Variants in WIPI2 observed in about 807,000 individuals in gnomAD.
The protein encoded by WIPI2 is WD repeat domain phosphoinositide-interacting protein 2.
A neutral mutation model predicts 52.3 loss-of-function variants in WIPI2; 28 were observed. The observed-to-expected ratio is 0.54, with a 90% CI of 0.40 to 0.73. The LOEUF is 0.73. Among genes scored for constraint, WIPI2 ranks in the 30% least tolerant of loss-of-function variants. The pLI, the probability that WIPI2 is intolerant of heterozygous loss-of-function variation, is 0.00. For synonymous variants in WIPI2, 268 were observed against 245.0 expected, an observed-to-expected ratio of 1.09 and a Z score of -0.88; for missense variants, 506 against 602.9, an observed-to-expected ratio of 0.84 and a Z score of 1.68.
rs3801046 is a variant in WIPI2 at position 5,231,750 on chromosome 7, T to A, written c.*803T>A. The A allele has an allele frequency of 1.2e-3, 55 of 45,896 alleles. No homozygotes were observed. In the East Asian group the frequency reaches 0.018, roughly 15 times the overall value. The allele number at this position is 45,896 out of a possible 1,614,324, so 2.8% of individuals were successfully genotyped here. On this transcript the variant is annotated 3_prime_UTR_variant, in exon 13 of 13. Coordinates refer to ENST00000288828, the MANE Select transcript of WIPI2 (RefSeq NM_015610.4). Reference sequence around the variant, plus strand: ...CTCTTCCTGTTGAAAAACTGTGTGATTTTTTTTTTTTTTTAAGTAAAGTTT... The same window carrying A: ...CTCTTCCTGTTGAAAAACTGTGTGAATTTTTTTTTTTTTTAAGTAAAGTTT...
rs868101467 is a variant in WIPI2 at position 5,193,210 on chromosome 7, A to G, written c.128+39A>G. The stretch of plus-strand genomic sequence containing the variant: ...CTGGTTTCTGAAAGTATCACCTTGG[A>G]AGGCTTATGTTAGAGGACTTTTTTG... On this transcript the variant is annotated intron_variant, in intron 2 of 12. Transcript: ENST00000288828. 5 of 1,609,484 alleles carry G rather than the reference A, an allele frequency of 3.1e-6. No individual in the cohort carries two copies. The African/African-American group carries it at 5.3e-5, about 17-fold the overall frequency.
chr7:5,228,270 C>T (rs1435691521), intron 11 of WIPI2, 59 bp downstream of exon 11: 4 of 1,456,928 alleles, frequency 2.7e-6, no homozygotes, highest in Non-Finnish European at 2.8e-6. Context: ...GCTTTCGGGG[C>T]ACCTGGCGAA....
At position 5,230,259 on chromosome 7, in the gene WIPI2, C is replaced by T. The variant is rs1480806282; in HGVS notation, c.1252+521C>T. On this transcript the variant is annotated intron_variant, in intron 12 of 12. Transcript: ENST00000288828. This position sits in a 1 kb window ranked among gnomAD's most constrained non-coding sequence, Gnocchi z 4.8. ...GCAAATCTGCATCGAGTACTGCCTT[C>T]ATGCTGGGCCTGTGAAGTGCAGAAG... is the stretch of plus-strand genomic sequence containing the variant. Among the ~76,000 whole-genome samples the T allele has an allele frequency of 6.6e-6, 1 of 152,194 alleles. No homozygotes were observed. Among genetic ancestry groups the T allele is most frequent in the African/African-American group, 2.4e-5 (1 of 41,456 alleles).
chr7:5,229,739 G>C lies in WIPI2; in HGVS notation c.1252+1G>C, dbSNP rs112729350. 1 of 1,613,612 alleles carries C rather than the reference G, an allele frequency of 6.2e-7. No individual in the cohort carries two copies. Among genetic ancestry groups the C allele is most frequent in the Non-Finnish European group, 8.5e-7 (1 of 1,179,690 alleles). On this transcript the variant is annotated splice_donor_variant, in intron 12 of 12. Transcript: ENST00000288828. LOFTEE classifies it high-confidence loss of function. Reference sequence around the variant, plus strand: ...GTGCCTTCATCCCCAACGAGACTTGGTAAGGGGCGTGACGCAAACCTGGAA... The same window carrying C: ...GTGCCTTCATCCCCAACGAGACTTGCTAAGGGGCGTGACGCAAACCTGGAA...
At chr7:5,229,431 C>T (rs1460421705) in intron 11 of WIPI2, 177 bp from the exon 12 acceptor site, 2 of 636,554 alleles carry the variant, frequency 3.1e-6, no homozygotes, top group East Asian at 3.0e-5. Context: ...ATGTAAAACT[C>T]TTCATGTAAA....
chr7:5,218,380 A>G (rs576555174), intron 7 of WIPI2: 54 of 198,592 alleles, frequency 2.7e-4, no homozygotes, highest in African/African-American at 1.2e-3. Context: ...ACAGAATTCT[A>G]TCCAGCCAGT....
intron 4 of WIPI2, 39 bp downstream of exon 4, chr7:5,214,743 C>T (rs1782727083): frequency 6.2e-7 from 1 of 1,606,854 alleles, no homozygotes. Flanking sequence ...TTGTCTGTTG[C>T]TCCCTCCAGC....
At chr7:5,205,666 A>G (rs1393707283) in intron 3 of WIPI2, among the ~76,000 whole-genome samples, 1 of 152,030 alleles carries the variant, frequency 6.6e-6, no homozygotes, top group Non-Finnish European at 1.5e-5. Flanking sequence ...CACCACGCTC[A>G]GCTAATTTTT....
At chr7:5,226,166 T>C (rs528142822) in intron 9 of WIPI2, 80 of 514,938 alleles carry the variant, frequency 1.6e-4, no homozygotes, top group Non-Finnish European at 2.6e-4. Flanking sequence ...AGCCCTCGCG[T>C]AGGGCATGGA....
In WIPI2 at chr7:5,220,392, G is replaced by A. The variant is rs1232309314; in HGVS notation, c.670-2210G>A. Among the ~76,000 whole-genome samples, 16 of 151,754 alleles carry A rather than the reference G, an allele frequency of 1.1e-4. No homozygotes were observed. In the South Asian group the frequency reaches 2.1e-3, roughly 20 times the overall value. The stretch of plus-strand genomic sequence containing the variant: ...TGAGTAGCTGAGATTACAAGCGCGC[G>A]CCACCACACCCAGCTAATTTTTGTA... On this transcript the variant is annotated intron_variant, in intron 7 of 12. Coordinates refer to ENST00000288828, the MANE Select transcript of WIPI2 (RefSeq NM_015610.4).
chr7:5,229,775 C>T, intron 12 of WIPI2, 37 bp downstream of exon 12: 1 of 1,611,394 alleles, frequency 6.2e-7, no homozygotes, highest in Non-Finnish European at 8.5e-7. Flanking sequence ...GGTAATTAGC[C>T]CCACAGCCCC....
intron 3 of WIPI2, among the ~76,000 whole-genome samples, chr7:5,207,290 T>C (rs748264235): frequency 9.2e-5 from 14 of 152,180 alleles, no homozygotes; most frequent in Non-Finnish European, 1.9e-4. Flanking sequence ...CTCCAGAAAG[T>C]TCTCTCATAC....
Position 5,232,664 on chromosome 7 carries a change from A to G in WIPI2, c.*1717A>G. On this transcript the variant is annotated 3_prime_UTR_variant, in exon 13 of 13. Transcript: ENST00000288828. ...ACCCACGCCTGCGTCTTGTGGTGCA[A>G]GGCCAGAGGGCTCTCTCTAGAACCT... The G allele has an allele frequency of 4.6e-6, 1 of 216,180 alleles. No individual in the cohort carries two copies. Among genetic ancestry groups the G allele is most frequent in the East Asian group, 9.6e-5 (1 of 10,470 alleles). 13.4% of individuals were successfully genotyped at this position (216,180 alleles called of 1,614,324 possible). A position where few individuals can be genotyped will look rare whatever the true frequency, so the allele number is the denominator to read the frequency against.
At chr7:5,215,486 A>G (rs1430855105) in intron 4 of WIPI2, among the ~76,000 whole-genome samples, 1 of 152,234 alleles carries the variant, frequency 6.6e-6, no homozygotes, top group Non-Finnish European at 1.5e-5. Context: ...TGTGTCTCCC[A>G]GCTTGTGCTC....
In WIPI2 at chr7:5,232,304, C is replaced by G; in HGVS notation, c.*1357C>G. On this transcript the variant is annotated 3_prime_UTR_variant, in exon 13 of 13. Transcript: ENST00000288828. ...TGTCATGGTCACGCTGGGCGAAGAG[C>G]TGGAGGGGAGTTGTCCCCTCAGCTG... 1 of 398,638 alleles carries G rather than the reference C, an allele frequency of 2.5e-6. No individual in the cohort carries two copies. Among genetic ancestry groups the G allele is most frequent in the East Asian group, 3.6e-5 (1 of 28,074 alleles). 24.7% of individuals were successfully genotyped at this position (398,638 alleles called of 1,614,324 possible).
In WIPI2 at chr7:5,227,327, C is replaced by T. The variant is rs28605777; in HGVS notation, c.996C>T (p.Asn332=). Residue 332 remains asparagine (N), a synonymous_variant, in exon 10 of 13, where the codon AAC becomes AAT. Coordinates refer to ENST00000288828, the MANE Select transcript of WIPI2 (RefSeq NM_015610.4). This position sits in a 1 kb window ranked among gnomAD's most constrained non-coding sequence, Gnocchi z 8.1. The stretch of plus-strand genomic sequence containing the variant: ...GCCTGCCATTCTGCGGCCACAAAAA[C>T]ATCTGCTCGCTAGCCACGTGAGTAG... ...TVRLPFCGHK[N]ICSLATIQKI... is the part of the protein sequence containing the mutation. The T allele has an allele frequency of 5.0e-3, 8,104 of 1,613,604 alleles. 291 individuals carry two copies. The African/African-American group carries it at 0.09, about 18-fold the overall frequency.
chr7:5,228,338 C>T, intron 11 of WIPI2, 127 bp downstream of exon 11: 1 of 888,914 alleles, frequency 1.1e-6, no homozygotes, highest in Non-Finnish European at 1.6e-6. Flanking sequence ...AGCACAGCGG[C>T]CCATGCCGCG....
At chr7:5,194,686 A>G (rs760210440) in intron 2 of WIPI2, among the ~76,000 whole-genome samples, 3 of 152,154 alleles carry the variant, frequency 2.0e-5, no homozygotes, top group East Asian at 1.9e-4. Flanking sequence ...TGTTGCCCCA[A>G]CTGGTCTCAA....
chr7:5,219,990 C>T (rs1783024888), intron 7 of WIPI2, among the ~76,000 whole-genome samples: 1 of 150,984 alleles, frequency 6.6e-6, no homozygotes, highest in Admixed American at 6.6e-5. Context: ...CACCTGCCAC[C>T]ACGCCCGGCT....
Sources: gnomAD v4.1 joint callset for allele counts (sites outside exome capture counted in the v4.1 genomes callset) on GRCh38, gnomAD v4.1.1 for gene constraint, Gnocchi (gnomAD v3.1) non-coding constraint, MANE v1.5 for transcripts, NCBI Gene and HGNC (gene_info 2026-07-23, HGNC 2026-07-21) for gene names.